KIRREL3: variants seen among roughly 807,000 people sequenced by gnomAD.
The protein encoded by KIRREL3 is kirre like nephrin family adhesion molecule 3.
A neutral mutation model predicts 89.7 loss-of-function variants in KIRREL3; 36 were observed. The ratio of observed to expected loss-of-function variants is 0.40; its 90% CI spans 0.31 to 0.53. The LOEUF (loss-of-function observed/expected upper bound fraction) is 0.53. Among genes scored for constraint, KIRREL3 ranks in the 20% least tolerant of loss-of-function variants. The pLI is 0.49. For synonymous variants in KIRREL3, 445 were observed against 441.4 expected, an observed-to-expected ratio of 1.01 and a Z score of -0.10; for missense variants, 864 against 1,056.6, an observed-to-expected ratio of 0.82 and a Z score of 2.53.
chr11:126,898,149 G>A lies in KIRREL3; in HGVS notation c.55+102306C>T, dbSNP rs1456650998. On this transcript the variant is annotated intron_variant, in intron 1 of 16. Transcript: ENST00000525144. The surrounding 1 kb of genome is among the most constrained non-coding windows in gnomAD (Gnocchi z 4.9). ...GGTTCCAGTCTCTGATGCCACAGTCGCCTATCTCGTGGACAGGTGGAAGTA... is the reference window on the plus strand; with the variant it reads ...GGTTCCAGTCTCTGATGCCACAGTCACCTATCTCGTGGACAGGTGGAAGTA... 2.0e-5 allele frequency among the ~76,000 whole-genome samples: 3 copies of A among 152,130 alleles called. No homozygotes were observed. The highest frequency in any genetic ancestry group is 6.6e-5 in the Admixed American group (1 of 15,266).
intron 1 of KIRREL3, among the ~76,000 whole-genome samples, chr11:126,961,294 G>A (rs566894324): frequency 7.2e-5 from 11 of 152,284 alleles, no homozygotes; most frequent in South Asian, 6.2e-4. Flanking sequence ...CTCTTGTGCC[G>A]AATAGTCAGC....
At chr11:126,698,345 C>A (rs534342784) in intron 1 of KIRREL3, among the ~76,000 whole-genome samples, 1 of 152,344 alleles carries the variant, frequency 6.6e-6, no homozygotes, top group African/African-American at 2.4e-5. Context: ...AAATCCCTCT[C>A]CCAGGCCTGC....
intron 1 of KIRREL3, among the ~76,000 whole-genome samples, chr11:126,825,847 A>G (rs546962244): frequency 6.6e-6 from 1 of 152,332 alleles, no homozygotes; most frequent in South Asian, 2.1e-4. Flanking sequence ...AACTTGCCCA[A>G]GGTCACACAA....
At position 126,991,855 on chromosome 11, in the gene KIRREL3, G is replaced by T. The variant is rs1194816354; in HGVS notation, c.55+8600C>A. Among the ~76,000 whole-genome samples the T allele has an allele frequency of 6.6e-6, 1 of 152,188 alleles. No homozygotes were observed. Among genetic ancestry groups the T allele is most frequent in the Admixed American group, 6.5e-5 (1 of 15,278 alleles). The stretch of plus-strand genomic sequence containing the variant: ...CATTTTTTAGTGTTGATGTGGAACA[G>T]CTGGATGTACCAGCATCTTGAGGAA... On this transcript the variant is annotated intron_variant, in intron 1 of 16. Coordinates refer to ENST00000525144, the MANE Select transcript of KIRREL3 (RefSeq NM_032531.4). This position sits in a 1 kb window ranked among gnomAD's most constrained non-coding sequence, Gnocchi z 5.8.
In KIRREL3 at chr11:126,682,308, G is replaced by C. The variant is rs1946493920; in HGVS notation, c.56-119396C>G. Among the ~76,000 whole-genome samples the C allele has an allele frequency of 6.6e-6, 1 of 152,036 alleles. No homozygotes were observed. ...CCTCTCTTCCTTCTAGGTTAGAGTG[G>C]GTGACACTGAGCATGTAACTTAACC... On this transcript the variant is annotated intron_variant, in intron 1 of 16. Coordinates refer to ENST00000525144, the MANE Select transcript of KIRREL3 (RefSeq NM_032531.4). This position sits in a 1 kb window ranked among gnomAD's most constrained non-coding sequence, Gnocchi z 4.8.
rs1950035787 is a variant in KIRREL3, at chr11:126,991,542, T to C, written c.55+8913A>G. On this transcript the variant is annotated intron_variant, in intron 1 of 16. Transcript: ENST00000525144. This position sits in a 1 kb window ranked among gnomAD's most constrained non-coding sequence, Gnocchi z 5.8. ...GCTACTCAAGCAGTATGTCCTTAAT[T>C]ACTCTTCAGCCCCAAAGCCTGGCCT... Among the ~76,000 whole-genome samples, 3 of 152,158 alleles carry C rather than the reference T, an allele frequency of 2.0e-5. No individual in the cohort carries two copies. In the South Asian group the frequency reaches 6.2e-4, roughly 32 times the overall value.
Position 126,443,427 on chromosome 11 carries a change from T to C in KIRREL3, c.1252+1552A>G, listed in dbSNP as rs183324596. Reference sequence around the variant, plus strand: ...GGAGGCGCGATCAGATGCTGTTATTTTTAGCCCTGCAGTGCCAATTTATTG... The same window carrying C: ...GGAGGCGCGATCAGATGCTGTTATTCTTAGCCCTGCAGTGCCAATTTATTG... On this transcript the variant is annotated intron_variant, in intron 10 of 16. Coordinates refer to ENST00000525144, the MANE Select transcript of KIRREL3 (RefSeq NM_032531.4). This position sits in a 1 kb window ranked among gnomAD's most constrained non-coding sequence, Gnocchi z 7.3. Among the ~76,000 whole-genome samples the C allele has an allele frequency of 6.1e-4, 93 of 152,276 alleles. 1 individual carries two copies. Among genetic ancestry groups the C allele is most frequent in the Non-Finnish European group, 9.4e-4 (64 of 68,022 alleles).
rs1939464018 is a variant in KIRREL3 at position 126,553,666 on chromosome 11, A to T, written c.133+9169T>A. Among the ~76,000 whole-genome samples the T allele has an allele frequency of 6.6e-6, 1 of 152,008 alleles. No individual in the cohort carries two copies. The highest frequency in any genetic ancestry group is 2.4e-5 in the African/African-American group (1 of 41,380). ...CTTGAAGGGAGTTCTTCTGATGGGA[A>T]CTGACTTGTTCTGCTTTAATGCACC... On this transcript the variant is annotated intron_variant, in intron 2 of 16. Transcript: ENST00000525144. This position sits in a 1 kb window ranked among gnomAD's most constrained non-coding sequence, Gnocchi z 4.7.
rs1950812522 is a variant in KIRREL3, at chr11:126,796,394, T to G, written c.55+204061A>C. 6.6e-6 allele frequency among the ~76,000 whole-genome samples: 1 copy of G among 152,158 alleles called. No individual in the cohort carries two copies. Among genetic ancestry groups the G allele is most frequent in the South Asian group, 2.1e-4 (1 of 4,822 alleles). On this transcript the variant is annotated intron_variant, in intron 1 of 16. Transcript: ENST00000525144. This position sits in a 1 kb window ranked among gnomAD's most constrained non-coding sequence, Gnocchi z 5.1. ...TGGAAGGATCTCATTCTGCCCGTCC[T>G]GTCCCGCAGCATTGGGTGTGGAGGA...
At chr11:126,959,296 C>T (rs1355021694) in intron 1 of KIRREL3, among the ~76,000 whole-genome samples, 1 of 152,204 alleles carries the variant, frequency 6.6e-6, no homozygotes, top group Non-Finnish European at 1.5e-5. Context: ...ATCTATCTAT[C>T]TAGTCTATCT....
chr11:126,473,245 G>GCCCCCCCCC, intron 5 of KIRREL3, 64 bp downstream of exon 5: 1 of 420,430 alleles, frequency 2.4e-6, no homozygotes, highest in African/African-American at 4.0e-5. Flanking sequence ...TGTCCACCTA[G>GCCCCCCCCC]CCCCCTCCCC....
In KIRREL3 at chr11:126,729,019, G is replaced by T. The variant is rs1948505434; in HGVS notation, c.56-166107C>A. On this transcript the variant is annotated intron_variant, in intron 1 of 16. Transcript: ENST00000525144. The surrounding 1 kb of genome is among the most constrained non-coding windows in gnomAD (Gnocchi z 4.5). Reference sequence around the variant, plus strand: ...GAGACCTTGAGGAGGAGGCTTTTGGGGCAGGCATGCCTGTTGCAGGCTTGG... The same window carrying T: ...GAGACCTTGAGGAGGAGGCTTTTGGTGCAGGCATGCCTGTTGCAGGCTTGG... Among the ~76,000 whole-genome samples the T allele has an allele frequency of 6.6e-6, 1 of 152,232 alleles. No individual in the cohort carries two copies. The highest frequency in any genetic ancestry group is 6.5e-5 in the Admixed American group (1 of 15,290).
At position 126,814,730 on chromosome 11, in the gene KIRREL3, G is replaced by A. The variant is rs1951501610; in HGVS notation, c.55+185725C>T. On this transcript the variant is annotated intron_variant, in intron 1 of 16. Transcript: ENST00000525144. The surrounding 1 kb of genome is among the most constrained non-coding windows in gnomAD (Gnocchi z 4.4). ...AGGAGCTGAACAGTGAGAACACGTG[G>A]ACACAGGGAGGGGAACAACACACAC... 6.6e-6 allele frequency among the ~76,000 whole-genome samples: 1 copy of A among 152,128 alleles called. No homozygotes were observed. Among genetic ancestry groups the A allele is most frequent in the Non-Finnish European group, 1.5e-5 (1 of 68,032 alleles).
intron 11 of KIRREL3, among the ~76,000 whole-genome samples, chr11:126,439,778 A>G (rs1271044929): frequency 6.6e-6 from 1 of 151,520 alleles, no homozygotes; most frequent in Non-Finnish European, 1.5e-5. Context: ...AGATTGTGTC[A>G]CTGCACTCCA....
At chr11:126,894,569 A>AAAAAAAG in intron 1 of KIRREL3, among the ~76,000 whole-genome samples, 1 of 147,804 alleles carries the variant, frequency 6.8e-6, no homozygotes, top group Admixed American at 6.7e-5. Flanking sequence ...AAAAAAAAAA[A>AAAAAAAG]AGGAAAAGAA....
Position 126,969,129 on chromosome 11 carries a change from G to A in KIRREL3, c.55+31326C>T, listed in dbSNP as rs1025695705. Among the ~76,000 whole-genome samples, 1 of 152,146 alleles carries A rather than the reference G, an allele frequency of 6.6e-6. No homozygotes were observed. Among genetic ancestry groups the A allele is most frequent in the Non-Finnish European group, 1.5e-5 (1 of 68,038 alleles). ...ACAGTCATCTCCTGCTCAAGACAGA[G>A]GAGGGCGCTCAGGGGCCAATCAAAC... On this transcript the variant is annotated intron_variant, in intron 1 of 16. Coordinates refer to ENST00000525144, the MANE Select transcript of KIRREL3 (RefSeq NM_032531.4). This position sits in a 1 kb window ranked among gnomAD's most constrained non-coding sequence, Gnocchi z 4.9.
chr11:126,602,434 C>T (rs1029763872), intron 1 of KIRREL3, among the ~76,000 whole-genome samples: 1 of 152,314 alleles, frequency 6.6e-6, no homozygotes, highest in Non-Finnish European at 1.5e-5. Context: ...GCCTCGTCGT[C>T]GTTTATGCAA....
At chr11:126,957,972 C>T (rs1382265222) in intron 1 of KIRREL3, among the ~76,000 whole-genome samples, 2 of 152,170 alleles carry the variant, frequency 1.3e-5, no homozygotes, top group Non-Finnish European at 2.9e-5. Flanking sequence ...TGTTACTTTG[C>T]AGTTTTCAAG....
At chr11:126,923,164 C>CTTCTTCTTCTTCTTCTTCTT in intron 1 of KIRREL3, among the ~76,000 whole-genome samples, 2 of 23,758 alleles carry the variant, frequency 8.4e-5, no homozygotes, top group Non-Finnish European at 1.5e-4. Context: ...TCTTCTTCTT[C>CTTCTTCTTCTTCTTCTTCTT]TTCTTCTTCT....
Sources: gnomAD v4.1 joint callset for allele counts (sites outside exome capture counted in the v4.1 genomes callset) on GRCh38, gnomAD v4.1.1 for gene constraint, Gnocchi (gnomAD v3.1) non-coding constraint, MANE v1.5 for transcripts, NCBI Gene and HGNC (gene_info 2026-07-23, HGNC 2026-07-21) for gene names.